Variants in DAPK1 observed in about 807,000 individuals in gnomAD.
DAPK1 encodes the protein death-associated protein kinase 1.
In DAPK1, 56 loss-of-function variants were observed where a neutral mutation model predicts 144.9. That is an observed-to-expected ratio of 0.39 (90% CI 0.31 to 0.48). The LOEUF (loss-of-function observed/expected upper bound fraction) is 0.48, where lower values mean the gene tolerates loss of function less well. DAPK1 is among the 20% of genes least tolerant of loss of function. DAPK1 has a pLI of 0.95. For synonymous variants in DAPK1, 690 were observed against 749.0 expected, an observed-to-expected ratio of 0.92 and a Z score of 1.29; for missense variants, 1,454 against 1,875.4, an observed-to-expected ratio of 0.78 and a Z score of 4.15.
In DAPK1 at chr9:87,681,596, C is replaced by T; in HGVS notation, c.2194C>T (p.Pro732Ser). 1 of 1,605,138 alleles carries T rather than the reference C, an allele frequency of 6.2e-7. No individual in the cohort carries two copies. Among genetic ancestry groups the T allele is most frequent in the Non-Finnish European group, 8.5e-7 (1 of 1,171,756 alleles). Residue 732 changes from proline to serine, a missense_variant, in exon 20 of 26, where the codon CCA (proline) becomes TCA (serine). Pro to Ser is a moderately conservative substitution (Grantham distance 74, BLOSUM62 -1). Coordinates refer to ENST00000408954, the MANE Select transcript of DAPK1 (RefSeq NM_004938.4). ...RLSSTNSSRF[P>S]PSPLASKPTV... ...GTCTTCCACCAACTCCAGCAGGTTC[C>T]CACCTTCACCCCTGGCTTCTAAGCC...
At chr9:87,592,146 CATGTTGA>C (rs36206047) in intron 2 of DAPK1, among the ~76,000 whole-genome samples, 15,380 of 152,198 alleles carry the variant, frequency 0.1, 1,409 homozygotes, top group African/African-American at 0.25. Flanking sequence ...GTGACAAGAC[CATGTTGA>C]CCCCAGCTCT....
intron 21 of DAPK1, among the ~76,000 whole-genome samples, chr9:87,691,142 G>A (rs899090571): frequency 6.6e-6 from 1 of 151,832 alleles, no homozygotes. Context: ...TCTCTTTTTG[G>A]GGAGGCTTTT....
rs1336995003 is a variant in DAPK1, at chr9:87,658,050, C to T, written c.1846C>T (p.Leu616Phe). 6.6e-7 allele frequency: 1 copy of T among 1,503,972 alleles called. No homozygotes were observed. The highest frequency in any genetic ancestry group is 9.3e-7 in the Non-Finnish European group (1 of 1,080,300). The allele number at this position is 1,503,972 out of a possible 1,614,324, so 93.2% of individuals were successfully genotyped here. A position where few individuals can be genotyped will look rare whatever the true frequency, so the allele number is the denominator to read the frequency against. Residue 616 changes from leucine (L) to phenylalanine (F), a missense_variant, in exon 18 of 26, where the codon CTT becomes TTT. Transcript: ENST00000408954. ...CCAGTATGGGCGAACGCCTCTGCAC[C>T]TTGCGGCCAACAACGGAATCCTAGA... ...SNKYGRTPLH[L>F]AANNGILDVV... is the part of the protein sequence containing the mutation.
chr9:87,705,172 A>G (rs1350447506), intron 25 of DAPK1, among the ~76,000 whole-genome samples: 1 of 151,462 alleles, frequency 6.6e-6, no homozygotes, highest in Admixed American at 6.6e-5. Context: ...CCTTTAGAGA[A>G]GTTGCAAGGA....
intron 3 of DAPK1, among the ~76,000 whole-genome samples, chr9:87,626,520 T>C (rs923845310): frequency 6.6e-6 from 1 of 152,168 alleles, no homozygotes; most frequent in South Asian, 2.1e-4. Flanking sequence ...GAATATAAGG[T>C]TATGCAGCCC....
intron 2 of DAPK1, among the ~76,000 whole-genome samples, chr9:87,600,217 C>T (rs1828467933): frequency 6.6e-6 from 1 of 152,310 alleles, no homozygotes; most frequent in African/African-American, 2.4e-5. Flanking sequence ...TTCCACGATC[C>T]TCTCCAATTT....
At chr9:87,543,831 CTT>C (rs1826140330) in intron 2 of DAPK1, among the ~76,000 whole-genome samples, 1 of 151,772 alleles carries the variant, frequency 6.6e-6, no homozygotes, top group Non-Finnish European at 1.5e-5. Flanking sequence ...TTTTTGTAGT[CTT>C]GTGTGTTTGG....
At chr9:87,618,872 G>C (rs1011018724) in intron 3 of DAPK1, among the ~76,000 whole-genome samples, 5 of 152,166 alleles carry the variant, frequency 3.3e-5, no homozygotes, top group Admixed American at 3.3e-4. Flanking sequence ...AAAACCCAGT[G>C]AGTGGTACAC....
At chr9:87,646,067 C>T in intron 12 of DAPK1, 53 bp downstream of exon 12, 3 of 1,582,674 alleles carry the variant, frequency 1.9e-6, no homozygotes, top group Admixed American at 1.8e-5. Context: ...CGACCTTGCC[C>T]TTCCATATCC....
intron 19 of DAPK1, among the ~76,000 whole-genome samples, chr9:87,669,119 G>A (rs576741603): frequency 6.6e-6 from 1 of 152,270 alleles, no homozygotes; most frequent in East Asian, 1.9e-4. Flanking sequence ...CAACATGACA[G>A]TTGTGTCAGG....
chr9:87,534,186 A>G (rs953368945), intron 2 of DAPK1, among the ~76,000 whole-genome samples: 3 of 151,252 alleles, frequency 2.0e-5, no homozygotes, highest in African/African-American at 4.9e-5. Flanking sequence ...ACTTTTCAAT[A>G]TATGTGCAAT....
intron 2 of DAPK1, among the ~76,000 whole-genome samples, chr9:87,508,754 T>C (rs1302099581): frequency 6.6e-6 from 1 of 151,976 alleles, no homozygotes; most frequent in Non-Finnish European, 1.5e-5. Context: ...CATTCTTTTT[T>C]TTCCCCATTC....
Position 87,686,528 on chromosome 9 carries a change from A to G in DAPK1, c.2225-23A>G. The G allele has an allele frequency of 7.0e-7, 1 of 1,438,662 alleles. No homozygotes were observed. The highest frequency in any genetic ancestry group is 9.6e-7 in the Non-Finnish European group (1 of 1,044,216). 89.1% of individuals were successfully genotyped at this position (1,438,662 alleles called of 1,614,324 possible). A position where few individuals can be genotyped will look rare whatever the true frequency, so the allele number is the denominator to read the frequency against. On this transcript the variant is annotated intron_variant, in intron 20 of 25. Transcript: ENST00000408954. This position sits in a 1 kb window ranked among gnomAD's most constrained non-coding sequence, Gnocchi z 4.2. The stretch of plus-strand genomic sequence containing the variant: ...CACACGCTGCCCCCATCGAGTACTC[A>G]TGTGATCCTTTCCATCCTGCAGTCT...
At chr9:87,521,382 G>A (rs181948211) in intron 2 of DAPK1, among the ~76,000 whole-genome samples, 398 of 152,346 alleles carry the variant, frequency 2.6e-3, no homozygotes, top group Non-Finnish European at 4.4e-3. Context: ...CCAGGGAGGT[G>A]CTGAATGTAT....
At chr9:87,547,280 A>G (rs940296646) in intron 2 of DAPK1, among the ~76,000 whole-genome samples, 1 of 152,238 alleles carries the variant, frequency 6.6e-6, no homozygotes, top group Admixed American at 6.5e-5. Context: ...GATGATGCCA[A>G]GAACTCCACT....
rs1824225879 is a variant in DAPK1 at position 87,497,890 on chromosome 9, C to G, written c.-326C>G. 2 of 394,504 alleles carry G rather than the reference C, an allele frequency of 5.1e-6. No homozygotes were observed. Among genetic ancestry groups the G allele is most frequent in the Admixed American group, 8.9e-5 (2 of 22,596 alleles). 24.4% of individuals were successfully genotyped at this position (394,504 alleles called of 1,614,324 possible). ...CTGCTTCGGAGTGTGAGGAGGACAG[C>G]CGGACCGAGCCAACGCCGGGGACTT... On this transcript the variant is annotated 5_prime_UTR_variant, in exon 1 of 26. Coordinates refer to ENST00000408954, the MANE Select transcript of DAPK1 (RefSeq NM_004938.4).
chr9:87,540,087 T>C (rs544994348), intron 2 of DAPK1, among the ~76,000 whole-genome samples: 63 of 151,882 alleles, frequency 4.1e-4, no homozygotes, highest in Non-Finnish European at 8.4e-4. Flanking sequence ...TGGTAGAAGA[T>C]ATTTTGAGAG....
At chr9:87,673,371 C>T (rs187274284) in intron 19 of DAPK1, among the ~76,000 whole-genome samples, 2 of 152,304 alleles carry the variant, frequency 1.3e-5, no homozygotes, top group Admixed American at 6.5e-5. Flanking sequence ...TTTCTATCTA[C>T]GCTGTCAGCT....
At chr9:87,668,768 G>C (rs1250989149) in intron 19 of DAPK1, 94 bp downstream of exon 19, 1 of 817,380 alleles carries the variant, frequency 1.2e-6, no homozygotes, top group Non-Finnish European at 2.2e-6. Context: ...GCAAAATGAG[G>C]CTCTAGACAG....
Sources: allele counts gnomAD v4.1 joint callset (sites outside exome capture counted in the v4.1 genomes callset), GRCh38; gene constraint gnomAD v4.1.1; non-coding constraint Gnocchi (gnomAD v3.1); transcripts MANE v1.5; gene names NCBI Gene and HGNC (gene_info 2026-07-23, HGNC 2026-07-21).